Variants in NDUFB3 observed in about 807,000 individuals in gnomAD.
NDUFB3 encodes the protein NADH:ubiquinone oxidoreductase subunit B3, also known as NADH dehydrogenase [ubiquinone] 1 beta subcomplex subunit 3.
A neutral mutation model predicts 9.0 loss-of-function variants in NDUFB3; 7 were observed. The ratio of observed to expected loss-of-function variants is 0.78; its 90% CI spans 0.44 to 1.46. NDUFB3 has a LOEUF of 1.46. Ranked by LOEUF, NDUFB3 falls within the 40% of genes most tolerant of loss-of-function variation. The pLI is 0.01. For missense variants in NDUFB3, 93 were observed against 115.4 expected, an observed-to-expected ratio of 0.81 and a Z score of 0.89; for synonymous variants, 29 against 38.5, an observed-to-expected ratio of 0.75 and a Z score of 0.91.
chr2:201,082,355 C>T (rs150289320), intron 2 of NDUFB3, among the ~76,000 whole-genome samples: 2 of 151,864 alleles, frequency 1.3e-5, no homozygotes, highest in African/African-American at 2.4e-5. Flanking sequence ...GCCTCTACCT[C>T]GTGGGCTGAA....
At chr2:201,083,921 C>T (rs1575547474) in intron 2 of NDUFB3, among the ~76,000 whole-genome samples, 1 of 152,010 alleles carries the variant, frequency 6.6e-6, no homozygotes, top group East Asian at 1.9e-4. Flanking sequence ...TTTGGGAAGC[C>T]AAGGCAGGCG....
intron 2 of NDUFB3, among the ~76,000 whole-genome samples, chr2:201,082,733 G>T (rs2125537892): frequency 8.2e-6 from 1 of 122,630 alleles, no homozygotes; most frequent in Non-Finnish European, 1.6e-5. Context: ...TTGAGACGGA[G>T]TCTCACTCTG....
rs369917802 is a variant in NDUFB3 at position 201,081,940 on chromosome 2, C to T, written c.140+2918C>T. ...ACACCATTCTCCTGCCTCAGCCTCCCGAGTAGCTGGGACTACAGGCGCCCA... is the reference window on the plus strand; with the variant it reads ...ACACCATTCTCCTGCCTCAGCCTCCTGAGTAGCTGGGACTACAGGCGCCCA... On this transcript the variant is annotated intron_variant, in intron 2 of 2. Transcript: ENST00000237889. Among the ~76,000 whole-genome samples the T allele has an allele frequency of 3.0e-4, 45 of 151,936 alleles. No homozygotes were observed. The East Asian group carries it at 6.2e-3, about 21-fold the overall frequency.
intron 2 of NDUFB3, among the ~76,000 whole-genome samples, chr2:201,080,778 G>C (rs529204373): frequency 7.2e-6 from 1 of 139,072 alleles, no homozygotes; most frequent in East Asian, 2.1e-4. Flanking sequence ...AATCTGGCTC[G>C]CTGCCAGCTC....
At chr2:201,077,255 T>A (rs537544695) in intron 1 of NDUFB3, among the ~76,000 whole-genome samples, 5 of 151,002 alleles carry the variant, frequency 3.3e-5, no homozygotes, top group African/African-American at 4.9e-5. Flanking sequence ...AATAAAAATG[T>A]AAAAAAAAAT....
rs1021178424 is a variant in NDUFB3, at chr2:201,077,905, A to C, written c.-2-976A>C. Among the ~76,000 whole-genome samples, 4 of 152,238 alleles carry C rather than the reference A, an allele frequency of 2.6e-5. No homozygotes were observed. In the South Asian group the frequency reaches 8.3e-4, roughly 31 times the overall value. On this transcript the variant is annotated intron_variant, in intron 1 of 2. Transcript: ENST00000237889. The stretch of plus-strand genomic sequence containing the variant: ...GTATTTAAAAGCATTGCATTTTAAA[A>C]GAATCATCTAAAGAAAATTTTTAAA...
chr2:201,077,996 T>C (rs761995425), intron 1 of NDUFB3, among the ~76,000 whole-genome samples: 7 of 152,070 alleles, frequency 4.6e-5, no homozygotes, highest in Non-Finnish European at 1.0e-4. Context: ...AGGAAAACAA[T>C]ATTGCTTAGA....
At chr2:201,083,636 C>T (rs767594988) in intron 2 of NDUFB3, among the ~76,000 whole-genome samples, 6 of 152,062 alleles carry the variant, frequency 3.9e-5, no homozygotes, top group Admixed American at 2.6e-4. Flanking sequence ...CCTGAGCCAC[C>T]GTGCCCATCC....
intron 1 of NDUFB3, chr2:201,072,357 TA>T (rs2047088476): frequency 6.6e-6 from 1 of 152,252 alleles, no homozygotes; most frequent in Non-Finnish European, 1.5e-5. Context: ...ACAGCATCAC[TA>T]AAAGTAATAA....
chr2:201,083,048 T>A (rs1006510300), intron 2 of NDUFB3, among the ~76,000 whole-genome samples: 1 of 152,230 alleles, frequency 6.6e-6, no homozygotes, highest in Non-Finnish European at 1.5e-5. Context: ...AGATTTTTTT[T>A]ACAGATTTCT....
chr2:201,074,594 C>T (rs371235552), intron 1 of NDUFB3, among the ~76,000 whole-genome samples: 101 of 151,852 alleles, frequency 6.7e-4, no homozygotes, highest in African/African-American at 2.1e-3. Flanking sequence ...GTAGCTGGGA[C>T]TACAGGTGTG....
At chr2:201,073,734 T>C (rs1384884352) in intron 1 of NDUFB3, among the ~76,000 whole-genome samples, 2 of 151,950 alleles carry the variant, frequency 1.3e-5, no homozygotes, top group Admixed American at 6.6e-5. Context: ...CACCACCCAC[T>C]GCACTCCAGC....
At chr2:201,081,635 ATTAT>A (rs945045028) in intron 2 of NDUFB3, among the ~76,000 whole-genome samples, 2 of 151,118 alleles carry the variant, frequency 1.3e-5, no homozygotes, top group Non-Finnish European at 2.9e-5. Flanking sequence ...TACTGAATTA[ATTAT>A]TTATTTTATT....
intron 2 of NDUFB3, among the ~76,000 whole-genome samples, chr2:201,079,276 C>G (rs1169768767): frequency 1.3e-5 from 2 of 151,982 alleles, no homozygotes; most frequent in Non-Finnish European, 2.9e-5. Context: ...TCCCAAGCAG[C>G]TGGGATTACA....
intron 1 of NDUFB3, among the ~76,000 whole-genome samples, chr2:201,075,952 A>G (rs1488027843): frequency 6.6e-6 from 1 of 152,200 alleles, no homozygotes; most frequent in Non-Finnish European, 1.5e-5. Context: ...ATGAAGCCTT[A>G]TTTTAAAAAA....
intron 2 of NDUFB3, among the ~76,000 whole-genome samples, chr2:201,083,139 CT>C (rs1439194938): frequency 6.6e-6 from 1 of 151,998 alleles, no homozygotes; most frequent in Non-Finnish European, 1.5e-5. Context: ...CTTTTTATTT[CT>C]TTTTCTTGCA....
At chr2:201,081,281 C>G (rs919012932) in intron 2 of NDUFB3, among the ~76,000 whole-genome samples, 11 of 151,568 alleles carry the variant, frequency 7.3e-5, no homozygotes, top group Admixed American at 5.3e-4. Context: ...GTCAGGTGTT[C>G]GAGACCAGCC....
chr2:201,076,899 G>A (rs927950586), intron 1 of NDUFB3, among the ~76,000 whole-genome samples: 1 of 152,098 alleles, frequency 6.6e-6, no homozygotes. Flanking sequence ...TCAGGAGTTC[G>A]AGACCAGCCT....
chr2:201,077,583 A>C (rs999192989), intron 1 of NDUFB3, among the ~76,000 whole-genome samples: 2 of 152,238 alleles, frequency 1.3e-5, no homozygotes, highest in Non-Finnish European at 2.9e-5. Context: ...TGGTTTTTAC[A>C]AATGAACATT....
Sources: allele counts gnomAD v4.1 joint callset (sites outside exome capture counted in the v4.1 genomes callset), GRCh38; gene constraint gnomAD v4.1.1; transcripts MANE v1.5; gene names NCBI Gene and HGNC (gene_info 2026-07-23, HGNC 2026-07-21).